CFAP61: variants seen among roughly 807,000 people sequenced by gnomAD.
CFAP61 encodes the protein cilia- and flagella-associated protein 61.
In CFAP61, 107 loss-of-function variants were observed where a neutral mutation model predicts 135.6. The ratio of observed to expected loss-of-function variants is 0.79; its 90% CI spans 0.67 to 0.93. The LOEUF is 0.93. Among genes scored for constraint, CFAP61 ranks in the 40% least tolerant of loss-of-function variants. The pLI is 0.00. For synonymous variants in CFAP61, 575 were observed against 578.5 expected (o/e 0.99, Z 0.09); for missense variants, 1,507 against 1,556.2 (o/e 0.97, Z 0.53).
At chr20:20,270,451 T>C (rs2053251804) in intron 21 of CFAP61, among the ~76,000 whole-genome samples, 1 of 152,360 alleles carries the variant, frequency 6.6e-6, no homozygotes, top group Admixed American at 6.5e-5. Flanking sequence ...CCCATTACTT[T>C]TAGGGTACAT....
intron 25 of CFAP61, among the ~76,000 whole-genome samples, chr20:20,316,173 A>G (rs2057127650): frequency 6.6e-6 from 1 of 152,086 alleles, no homozygotes; most frequent in Non-Finnish European, 1.5e-5. Flanking sequence ...ACCCATGAGC[A>G]TGGAATGTTC....
chr20:20,321,790 A>G (rs2057531466), intron 25 of CFAP61, among the ~76,000 whole-genome samples: 1 of 152,192 alleles, frequency 6.6e-6, no homozygotes, highest in Admixed American at 6.5e-5. Context: ...CTATGACTGC[A>G]AACCATTTGG....
At chr20:20,199,618 C>T (rs977478740) in intron 16 of CFAP61, 150 bp from the exon 17 acceptor site, 13 of 722,912 alleles carry the variant, frequency 1.8e-5, no homozygotes, top group Admixed American at 1.0e-4. Flanking sequence ...TTCCTCTGCT[C>T]GAAGAGTATG....
chr20:20,074,884 C>T (rs77067589), intron 4 of CFAP61, among the ~76,000 whole-genome samples: 2,514 of 152,186 alleles, frequency 0.017, 72 homozygotes, highest in African/African-American at 0.057. Flanking sequence ...CACACCAGAC[C>T]GTCCAGATGC....
intron 7 of CFAP61, among the ~76,000 whole-genome samples, chr20:20,096,813 G>A (rs2047611805): frequency 6.6e-6 from 1 of 152,124 alleles, no homozygotes; most frequent in Non-Finnish European, 1.5e-5. Flanking sequence ...ACAATCACTT[G>A]TTATTTGGGA....
At chr20:20,072,239 C>G (rs2045771470) in intron 3 of CFAP61, among the ~76,000 whole-genome samples, 1 of 151,260 alleles carries the variant, frequency 6.6e-6, no homozygotes, top group Non-Finnish European at 1.5e-5. Context: ...CTCAGCCTCC[C>G]AAGTAGCTGG....
At chr20:20,089,949 G>A (rs569091325) in intron 6 of CFAP61, among the ~76,000 whole-genome samples, 1 of 152,278 alleles carries the variant, frequency 6.6e-6, no homozygotes, top group East Asian at 1.9e-4. Context: ...CATAAACAAG[G>A]TTAAATATTC....
intron 26 of CFAP61, among the ~76,000 whole-genome samples, chr20:20,346,392 G>T (rs1200054619): frequency 2.0e-5 from 3 of 150,820 alleles, no homozygotes; most frequent in Non-Finnish European, 4.4e-5. Context: ...GTGGTGGGCG[G>T]CTGTAGTCCC....
chr20:20,088,382 G>A (rs2146609059), intron 6 of CFAP61, among the ~76,000 whole-genome samples: 1 of 152,258 alleles, frequency 6.6e-6, no homozygotes, highest in Non-Finnish European at 1.5e-5. Flanking sequence ...TGCAGCGCTG[G>A]GGAGGCATCA....
chr20:20,178,965 A>G (rs2054846028), intron 13 of CFAP61, among the ~76,000 whole-genome samples: 1 of 152,172 alleles, frequency 6.6e-6, no homozygotes, highest in African/African-American at 2.4e-5. Flanking sequence ...TTTGGAATCC[A>G]GAAAGACTCA....
At chr20:20,102,360 A>T (rs1227082535) in intron 8 of CFAP61, among the ~76,000 whole-genome samples, 2 of 152,184 alleles carry the variant, frequency 1.3e-5, no homozygotes, top group Non-Finnish European at 2.9e-5. Context: ...TAAATACCCC[A>T]GCTCCCTCAC....
At chr20:20,139,942 T>A (rs1042477658) in intron 8 of CFAP61, among the ~76,000 whole-genome samples, 1 of 152,186 alleles carries the variant, frequency 6.6e-6, no homozygotes, top group Non-Finnish European at 1.5e-5. Context: ...TTCTTCAAAC[T>A]TAAAATAGGA....
rs35783358 is a variant in CFAP61, at chr20:20,256,400, CCACACACACACA to C, written c.2328+4660_2328+4671del. ...TTGTGAAAATGTTGAAAAATTTAGG[CCACACACACACA>C]CACACACACACACACACACACATTG... On this transcript the variant is annotated intron_variant, in intron 20 of 26. Transcript: ENST00000245957. Among the ~76,000 whole-genome samples, 193 of 148,660 alleles carry C rather than the reference CCACACACACACA, an allele frequency of 1.3e-3. 1 individual carries two copies. Among genetic ancestry groups the C allele is most frequent in the Middle Eastern group, 0.01 (3 of 290 alleles).
intron 17 of CFAP61, among the ~76,000 whole-genome samples, chr20:20,207,422 A>G (rs1425124638): frequency 6.6e-6 from 1 of 152,226 alleles, no homozygotes; most frequent in East Asian, 1.9e-4. Context: ...AGCCAGGGTA[A>G]TGAATGCCAC....
At chr20:20,067,563 A>G (rs1042170616) in intron 2 of CFAP61, among the ~76,000 whole-genome samples, 6 of 149,936 alleles carry the variant, frequency 4.0e-5, no homozygotes, top group African/African-American at 1.2e-4. Context: ...AATCACTTGA[A>G]CCCTGGATGG....
At chr20:20,258,538 C>CCAGT (rs2051860204) in intron 20 of CFAP61, 1 of 152,172 alleles carries the variant, frequency 6.6e-6, no homozygotes, top group Admixed American at 6.5e-5. Context: ...GGATGGCCAG[C>CCAGT]CAGTCTTCAA....
intron 18 of CFAP61, chr20:20,232,959 G>A (rs1328640839): frequency 2.0e-5 from 3 of 152,194 alleles, no homozygotes; most frequent in South Asian, 2.1e-4. Flanking sequence ...GAGTTTTCTC[G>A]AAAACTGACC....
At chr20:20,339,359 A>G (rs773710072) in intron 25 of CFAP61, among the ~76,000 whole-genome samples, 5 of 152,198 alleles carry the variant, frequency 3.3e-5, no homozygotes, top group Admixed American at 6.5e-5. Context: ...ACCTGGCCCT[A>G]AGCTTCACCA....
intron 13 of CFAP61, among the ~76,000 whole-genome samples, chr20:20,178,834 C>A (rs2054833894): frequency 1.3e-5 from 2 of 152,082 alleles, no homozygotes. Context: ...TGAACAGAAC[C>A]CGATAGAAAC....
Sources: gnomAD v4.1 joint callset for allele counts (sites outside exome capture counted in the v4.1 genomes callset) on GRCh38, gnomAD v4.1.1 for gene constraint, MANE v1.5 for transcripts, NCBI Gene and HGNC (gene_info 2026-07-23, HGNC 2026-07-21) for gene names.